DRC1: variants seen among roughly 807,000 people sequenced by gnomAD.
DRC1 encodes dynein regulatory complex protein 1.
Under a neutral mutation model 98.7 loss-of-function variants are expected in DRC1, and 74 were observed. The ratio of observed to expected loss-of-function variants is 0.75; its 90% CI spans 0.62 to 0.91. The LOEUF is 0.91. DRC1 is among the 40% of genes least tolerant of loss of function. The pLI is 0.00. For synonymous variants in DRC1, 336 were observed against 334.1 expected (o/e 1.01, Z -0.06); for missense variants, 875 against 886.0 (o/e 0.99, Z 0.16).
intron 2 of DRC1, among the ~76,000 whole-genome samples, chr2:26,414,678 G>C (rs1678738162): frequency 6.6e-6 from 1 of 152,208 alleles, no homozygotes; most frequent in Non-Finnish European, 1.5e-5. Flanking sequence ...ATAAAGTCCA[G>C]ATGTTTTAGC....
Position 26,437,024 on chromosome 2 carries a change from T to C in DRC1, c.889-3354T>C, listed in dbSNP as rs150244048. On this transcript the variant is annotated intron_variant, in intron 7 of 16. Transcript: ENST00000288710. ...TGGACTTTTGTGCCGAGCTGCCTTA[T>C]AGACCAATGGCTTCCCTTATGTTCA... 9.2e-5 allele frequency among the ~76,000 whole-genome samples: 14 copies of C among 152,348 alleles called. No homozygotes were observed. The East Asian group carries it at 2.5e-3, about 27-fold the overall frequency.
intron 2 of DRC1, among the ~76,000 whole-genome samples, chr2:26,420,763 CTT>C (rs1663116875): frequency 6.8e-6 from 1 of 145,994 alleles, no homozygotes; most frequent in Non-Finnish European, 1.5e-5. Flanking sequence ...TCTTTTTCTT[CTT>C]CTTTTTTTTT....
At chr2:26,442,461 A>G (rs1239220258) in intron 8 of DRC1, among the ~76,000 whole-genome samples, 1 of 152,084 alleles carries the variant, frequency 6.6e-6, no homozygotes, top group Non-Finnish European at 1.5e-5. Flanking sequence ...CTTCTTTCTT[A>G]ATGTATTTGT....
At chr2:26,407,435 G>A (rs990767452) in intron 1 of DRC1, among the ~76,000 whole-genome samples, 4 of 152,194 alleles carry the variant, frequency 2.6e-5, no homozygotes, top group South Asian at 4.2e-4. Flanking sequence ...ATATTCATCC[G>A]TGAGGATTTA....
At chr2:26,412,808 C>T (rs955718402) in intron 1 of DRC1, among the ~76,000 whole-genome samples, 5 of 152,126 alleles carry the variant, frequency 3.3e-5, no homozygotes, top group Non-Finnish European at 7.3e-5. Context: ...GACAGAGTCT[C>T]GCTCTCCCGC....
chr2:26,432,066 G>T, intron 7 of DRC1, 60 bp downstream of exon 7: 1 of 1,571,692 alleles, frequency 6.4e-7, no homozygotes, highest in South Asian at 1.2e-5. Context: ...GAACACCTGT[G>T]AATGTTTCAT....
At chr2:26,421,232 T>G (rs988805295) in intron 2 of DRC1, 56 bp from the exon 3 acceptor site, 2 of 1,528,778 alleles carry the variant, frequency 1.3e-6, no homozygotes, top group African/African-American at 2.8e-5. Flanking sequence ...TTTCAGACTT[T>G]ATATATTATT....
chr2:26,442,165 A>G, intron 8 of DRC1, among the ~76,000 whole-genome samples: 1 of 152,134 alleles, frequency 6.6e-6, no homozygotes, highest in East Asian at 1.9e-4. Context: ...CCTCTTTTAT[A>G]AAGGCCTTAA....
At chr2:26,441,601 T>G (rs1042411888) in intron 8 of DRC1, among the ~76,000 whole-genome samples, 1 of 152,078 alleles carries the variant, frequency 6.6e-6, no homozygotes. Context: ...GGGACATGAA[T>G]TGGCAAAAAG....
intron 4 of DRC1, among the ~76,000 whole-genome samples, chr2:26,428,848 T>G (rs1480656988): frequency 6.6e-6 from 1 of 152,190 alleles, no homozygotes; most frequent in Non-Finnish European, 1.5e-5. Flanking sequence ...GTCGTATATG[T>G]GGTCCATCAT....
chr2:26,412,574 G>T (rs17529722), intron 1 of DRC1, among the ~76,000 whole-genome samples: 1 of 151,698 alleles, frequency 6.6e-6, no homozygotes, highest in African/African-American at 2.4e-5. Context: ...ACTTTATCTC[G>T]CCACCGCCCC....
At chr2:26,445,893 C>T (rs946675019) in intron 10 of DRC1, among the ~76,000 whole-genome samples, 3 of 151,938 alleles carry the variant, frequency 2.0e-5, no homozygotes, top group Non-Finnish European at 4.4e-5. Context: ...CTCCTGAGCC[C>T]GTGATCCCCC....
rs367578062 is a variant in DRC1 at position 26,410,688 on chromosome 2, A to T, written c.156-3656A>T. On this transcript the variant is annotated intron_variant, in intron 1 of 16. Transcript: ENST00000288710. ...TCAAGAACATGTCTCAGACCTGAAGATCATGAGGTTCCTGATTGAAATGTC... is the reference window on the plus strand; with the variant it reads ...TCAAGAACATGTCTCAGACCTGAAGTTCATGAGGTTCCTGATTGAAATGTC... 6.6e-5 allele frequency among the ~76,000 whole-genome samples: 10 copies of T among 152,330 alleles called. No homozygotes were observed. In the East Asian group the frequency reaches 1.7e-3, roughly 26 times the overall value.
rs1664182002 is a variant in DRC1, at chr2:26,456,537, A to T, written c.*20A>T. On this transcript the variant is annotated 3_prime_UTR_variant, in exon 17 of 17. Transcript: ENST00000288710. ...AAATGAGCTGGACCGCCAAAGGCTGATGTGTTAGGGCTGGCCTGATGCTGG... is the reference window on the plus strand; with the variant it reads ...AAATGAGCTGGACCGCCAAAGGCTGTTGTGTTAGGGCTGGCCTGATGCTGG... The T allele has an allele frequency of 1.2e-6, 2 of 1,613,892 alleles. No individual in the cohort carries two copies. The highest frequency in any genetic ancestry group is 1.7e-5 in the Admixed American group (1 of 59,994).
At chr2:26,445,020 G>A (rs1430776991) in intron 10 of DRC1, 72 bp downstream of exon 10, 21 of 1,474,574 alleles carry the variant, frequency 1.4e-5, no homozygotes, top group East Asian at 1.2e-4. Flanking sequence ...AGCCAGTCAC[G>A]TTAGAGATAG....
At chr2:26,403,815 A>AT in intron 1 of DRC1, among the ~76,000 whole-genome samples, 1 of 147,834 alleles carries the variant, frequency 6.8e-6, no homozygotes, top group African/African-American at 2.5e-5. Flanking sequence ...AAAAAAAAAA[A>AT]TTGGGCCGGG....
chr2:26,450,086 G>T lies in DRC1; in HGVS notation c.1599+1G>T, dbSNP rs146412095. On this transcript the variant is annotated splice_donor_variant, in intron 12 of 16. Transcript: ENST00000288710. LOFTEE classifies it high-confidence loss of function. Reference sequence around the variant, plus strand: ...GCTGAGGCTGGATGCCATCTTCTCCGTGAGTCCAACGGGGCTGGGAGGACA... The same window carrying T: ...GCTGAGGCTGGATGCCATCTTCTCCTTGAGTCCAACGGGGCTGGGAGGACA... The T allele has an allele frequency of 1.2e-6, 2 of 1,612,062 alleles. No individual in the cohort carries two copies. The highest frequency in any genetic ancestry group is 1.7e-6 in the Non-Finnish European group (2 of 1,179,312).
At chr2:26,450,794 T>C (rs1663985325) in intron 13 of DRC1, 113 bp downstream of exon 13, 3 of 834,820 alleles carry the variant, frequency 3.6e-6, no homozygotes, top group Non-Finnish European at 5.0e-6. Context: ...GTTTGTTACA[T>C]AGGTATACAT....
At chr2:26,434,822 C>T (rs768111636) in intron 7 of DRC1, among the ~76,000 whole-genome samples, 11 of 149,272 alleles carry the variant, frequency 7.4e-5, no homozygotes, top group Non-Finnish European at 1.3e-4. Context: ...ACCAGGGAGG[C>T]GGAGCTTGCA....
Sources: allele counts gnomAD v4.1 joint callset (sites outside exome capture counted in the v4.1 genomes callset), GRCh38; gene constraint gnomAD v4.1.1; transcripts MANE v1.5; gene names NCBI Gene and HGNC (gene_info 2026-07-23, HGNC 2026-07-21).